The following RALYL variants were observed in gnomAD, a reference collection of about 807,000 sequenced individuals.
RALYL encodes the protein RNA-binding Raly-like protein.
In RALYL, 29 loss-of-function variants were observed where a neutral mutation model predicts 35.1. The observed-to-expected ratio is 0.83, with a 90% CI of 0.61 to 1.13. The LOEUF is 1.13. Among genes scored for constraint, RALYL ranks in the 50% most tolerant of loss-of-function variants. The probability of loss-of-function intolerance (pLI) is 0.00; values close to 1 mark genes in which losing one functional copy is unlikely to be tolerated. For missense variants in RALYL, 359 were observed against 360.4 expected (o/e 1.00, Z 0.03); for synonymous variants, 120 against 127.6 (o/e 0.94, Z 0.40).
chr8:84,573,481 C>CT (rs555083489), intron 2 of RALYL, among the ~76,000 whole-genome samples: 172 of 151,764 alleles, frequency 1.1e-3, no homozygotes, highest in Non-Finnish European at 1.9e-3. Flanking sequence ...TCAAAATTTT[C>CT]TTTTTTTCAC....
At chr8:84,544,940 T>A (rs2060258618) in intron 2 of RALYL, among the ~76,000 whole-genome samples, 1 of 152,114 alleles carries the variant, frequency 6.6e-6, no homozygotes, top group South Asian at 2.1e-4. Flanking sequence ...AAATCAGTTG[T>A]ATTTTTCTTA....
intron 1 of RALYL, among the ~76,000 whole-genome samples, chr8:84,430,186 C>A (rs1399017021): frequency 6.6e-6 from 1 of 152,004 alleles, no homozygotes; most frequent in Non-Finnish European, 1.5e-5. Context: ...ATAACCCTCC[C>A]TTTATTTTAT....
At chr8:84,468,592 C>A (rs1163279335) in intron 1 of RALYL, among the ~76,000 whole-genome samples, 12 of 148,142 alleles carry the variant, frequency 8.1e-5, no homozygotes, top group East Asian at 7.9e-4. Flanking sequence ...TCCTTCATTT[C>A]AACTTTGGTG....
chr8:84,589,483 A>G lies in RALYL; in HGVS notation c.256+59906A>G, dbSNP rs573902922. Among the ~76,000 whole-genome samples the G allele has an allele frequency of 2.6e-5, 4 of 152,374 alleles. No homozygotes were observed. In the East Asian group the frequency reaches 7.7e-4, roughly 29 times the overall value. On this transcript the variant is annotated intron_variant, in intron 2 of 8. Coordinates refer to ENST00000521268, the MANE Select transcript of RALYL (RefSeq NM_173848.7). Reference sequence around the variant, plus strand: ...TTACTGTGAGATTAATTACATGAAAACCATTGCAGTAGCATATATTTCATA... The same window carrying G: ...TTACTGTGAGATTAATTACATGAAAGCCATTGCAGTAGCATATATTTCATA...
intron 1 of RALYL, among the ~76,000 whole-genome samples, chr8:84,422,102 G>C (rs1470788135): frequency 2.0e-5 from 3 of 149,786 alleles, no homozygotes; most frequent in Non-Finnish European, 4.5e-5. Context: ...TCTATTGATT[G>C]GAATAGTTTC....
At chr8:84,587,944 G>C (rs894114760) in intron 2 of RALYL, among the ~76,000 whole-genome samples, 2 of 152,178 alleles carry the variant, frequency 1.3e-5, no homozygotes, top group African/African-American at 2.4e-5. Flanking sequence ...TGGTAGCAGA[G>C]TGCTGTGGAA....
At chr8:84,734,521 A>G (rs772292847) in intron 2 of RALYL, among the ~76,000 whole-genome samples, 25 of 152,172 alleles carry the variant, frequency 1.6e-4, no homozygotes, top group Admixed American at 7.2e-4. Flanking sequence ...CTTCCAGAGC[A>G]AAAAATTTTC....
intron 2 of RALYL, among the ~76,000 whole-genome samples, chr8:84,712,916 C>G (rs1410170236): frequency 6.6e-6 from 1 of 152,074 alleles, no homozygotes; most frequent in Non-Finnish European, 1.5e-5. Flanking sequence ...CCATGGTTGT[C>G]TCTTCACTCT....
intron 5 of RALYL, among the ~76,000 whole-genome samples, chr8:84,854,030 G>C (rs1010239110): frequency 6.6e-6 from 1 of 152,136 alleles, no homozygotes; most frequent in East Asian, 1.9e-4. Context: ...ATATTAGCTA[G>C]TATTAACAGT....
At chr8:84,358,412 G>A (rs977920620) in intron 1 of RALYL, among the ~76,000 whole-genome samples, 4 of 152,074 alleles carry the variant, frequency 2.6e-5, no homozygotes, top group African/African-American at 9.6e-5. Flanking sequence ...CTGTGTGTGT[G>A]CACATGCAAT....
chr8:84,757,148 T>C (rs1025689132), intron 2 of RALYL, among the ~76,000 whole-genome samples: 2 of 152,128 alleles, frequency 1.3e-5, no homozygotes, highest in Non-Finnish European at 2.9e-5. Context: ...ATGAATAAAA[T>C]TTAGAGATAT....
chr8:84,880,227 C>T (rs575361070), intron 7 of RALYL, among the ~76,000 whole-genome samples: 64 of 152,112 alleles, frequency 4.2e-4, no homozygotes, highest in African/African-American at 1.5e-3. Context: ...GAAAATTTGC[C>T]TCTCAAATGG....
At chr8:84,584,617 T>A (rs911289068) in intron 2 of RALYL, among the ~76,000 whole-genome samples, 4 of 145,274 alleles carry the variant, frequency 2.8e-5, no homozygotes, top group Admixed American at 1.4e-4. Context: ...AAAAAAAAAA[T>A]TGATGATTTA....
chr8:84,221,851 G>T (rs1822300238), intron 1 of RALYL, among the ~76,000 whole-genome samples: 1 of 152,062 alleles, frequency 6.6e-6, no homozygotes, highest in African/African-American at 2.4e-5. Flanking sequence ...TGGAATTCTG[G>T]TGTGGTCTGT....
chr8:84,613,121 A>C (rs1023611972), intron 2 of RALYL, among the ~76,000 whole-genome samples: 11 of 151,642 alleles, frequency 7.3e-5, no homozygotes, highest in Non-Finnish European at 8.8e-5. Context: ...TATCTAGGTA[A>C]ACACACAATT....
intron 1 of RALYL, among the ~76,000 whole-genome samples, chr8:84,208,368 C>A (rs935785214): frequency 5.9e-5 from 9 of 152,140 alleles, no homozygotes; most frequent in Non-Finnish European, 1.2e-4. Flanking sequence ...GAAACATTAT[C>A]ATGAGTAATC....
At position 84,427,248 on chromosome 8, in the gene RALYL, T is replaced by C. The variant is rs376504471; in HGVS notation, c.-23-102051T>C. Among the ~76,000 whole-genome samples, 228 of 152,292 alleles carry C rather than the reference T, an allele frequency of 1.5e-3. 2 individuals carry two copies. The highest frequency in any genetic ancestry group is 4.5e-3 in the African/African-American group (186 of 41,568). ...CGTTTGCCTCAGCTATGGCAATAGC[T>C]TCCCTACTAGACTTCCAGCTTCTCC... On this transcript the variant is annotated intron_variant, in intron 1 of 8. Coordinates refer to ENST00000521268, the MANE Select transcript of RALYL (RefSeq NM_173848.7).
At chr8:84,471,445 T>C (rs1480362381) in intron 1 of RALYL, among the ~76,000 whole-genome samples, 2 of 149,530 alleles carry the variant, frequency 1.3e-5, no homozygotes, top group Non-Finnish European at 3.0e-5. Flanking sequence ...AAAAAAAAAC[T>C]TAGCTGAGTG....
At chr8:84,732,759 C>T (rs1160166280) in intron 2 of RALYL, among the ~76,000 whole-genome samples, 1 of 150,888 alleles carries the variant, frequency 6.6e-6, no homozygotes, top group Non-Finnish European at 1.5e-5. Context: ...TGCAGTGGCG[C>T]TATCTTGGCT....
Sources: gnomAD v4.1 joint callset for allele counts (sites outside exome capture counted in the v4.1 genomes callset) on GRCh38, gnomAD v4.1.1 for gene constraint, MANE v1.5 for transcripts, NCBI Gene and HGNC (gene_info 2026-07-23, HGNC 2026-07-21) for gene names.